The following ATAD2 variants were observed in gnomAD, a reference collection of about 807,000 sequenced individuals.
The protein encoded by ATAD2 is ATPase family AAA domain-containing protein 2.
A neutral mutation model predicts 168.9 loss-of-function variants in ATAD2; 62 were observed. The observed-to-expected ratio is 0.37, with a 90% CI of 0.30 to 0.45. ATAD2 has a LOEUF of 0.45. Among genes scored for constraint, ATAD2 ranks in the 20% least tolerant of loss-of-function variants. The probability of loss-of-function intolerance (pLI) is 1.00; values close to 1 mark genes in which losing one functional copy is unlikely to be tolerated. For missense variants in ATAD2, 1,419 were observed against 1,667.8 expected (o/e 0.85, Z 2.60); for synonymous variants, 613 against 571.6 (o/e 1.07, Z -1.03).
intron 1 of ATAD2, among the ~76,000 whole-genome samples, chr8:123,393,301 A>G (rs1812680498): frequency 6.6e-6 from 1 of 152,064 alleles, no homozygotes; most frequent in South Asian, 2.1e-4. Context: ...GCTTGAGTCC[A>G]GGAGTTCGAG....
rs747032192 is a variant in ATAD2, at chr8:123,326,002, C to T, written c.3893G>A (p.Arg1298Gln). The T allele has an allele frequency of 4.3e-6, 7 of 1,613,806 alleles. No homozygotes were observed. The highest frequency in any genetic ancestry group is 5.9e-6 in the Non-Finnish European group (7 of 1,179,924). ...CTGTTCTACCTGGGAACGTCTAGCT[C>T]GAGTCATTCGCAGAACACACATTTC... ...GKEMCVLRMT[R>Q]ARRSQVEQQQ... Residue 1298 changes from arginine to glutamine, a missense_variant, in exon 26 of 28, where the codon CGA (arginine) becomes CAA (glutamine). Around this residue, in one of 5 missense-constraint regions of ATAD2, gnomAD observed 303 missense variants for 304.3 expected, o/e 1.00. Coordinates refer to ENST00000287394, the MANE Select transcript of ATAD2 (RefSeq NM_014109.4).
chr8:123,334,352 A>G, intron 22 of ATAD2, 30 bp from the exon 23 acceptor site: 1 of 1,473,494 alleles, frequency 6.8e-7, no homozygotes, highest in Non-Finnish European at 9.0e-7. Context: ...TGTAATTTTT[A>G]ATTTCCCCCT....
At chr8:123,356,347 G>A (rs1427851734) in intron 13 of ATAD2, 42 bp downstream of exon 13, 1 of 1,502,350 alleles carries the variant, frequency 6.7e-7, no homozygotes, top group Non-Finnish European at 9.2e-7. Context: ...TACCACTCAG[G>A]AAATAGGAAG....
At chr8:123,372,398 G>A (rs1233444341) in intron 3 of ATAD2, among the ~76,000 whole-genome samples, 1 of 152,196 alleles carries the variant, frequency 6.6e-6, no homozygotes, top group Non-Finnish European at 1.5e-5. Flanking sequence ...GTGTCAAAGA[G>A]TGAGGAGAGA....
intron 1 of ATAD2, among the ~76,000 whole-genome samples, chr8:123,415,600 AT>A (rs11306561): frequency 0.68 from 102,680 of 149,924 alleles, 35,317 homozygotes; most frequent in East Asian, 0.93. Context: ...GATAAACACT[AT>A]TTTTTTTTTT....
chr8:123,339,471 A>G (rs752080828), intron 19 of ATAD2, 25 bp from the exon 20 acceptor site: 3 of 1,529,416 alleles, frequency 2.0e-6, no homozygotes, highest in East Asian at 2.3e-5. Flanking sequence ...TAAATGCAAT[A>G]TATATCATAT....
intron 19 of ATAD2, among the ~76,000 whole-genome samples, chr8:123,342,016 G>A (rs186024466): frequency 2.4e-4 from 37 of 152,276 alleles, no homozygotes; most frequent in Admixed American, 4.6e-4. Flanking sequence ...AACCCAGGAG[G>A]CTGAGGCTGC....
intron 24 of ATAD2, among the ~76,000 whole-genome samples, chr8:123,331,618 T>G (rs969065132): frequency 6.6e-6 from 1 of 152,226 alleles, no homozygotes; most frequent in African/African-American, 2.4e-5. Flanking sequence ...GCTGCAGACC[T>G]CAATCTATGT....
chr8:123,358,635 C>T (rs374579654), intron 11 of ATAD2, among the ~76,000 whole-genome samples: 11 of 149,552 alleles, frequency 7.4e-5, no homozygotes, highest in East Asian at 2.0e-4. Context: ...CATAAGCCAT[C>T]GTGCCTGGCC....
chr8:123,380,342 C>T (rs529831668), intron 2 of ATAD2, among the ~76,000 whole-genome samples, 187 bp downstream of exon 2: 49 of 152,164 alleles, frequency 3.2e-4, no homozygotes, highest in Non-Finnish European at 6.6e-4. Flanking sequence ...TGTGAGCCAC[C>T]GTGCCTGGCC....
intron 21 of ATAD2, among the ~76,000 whole-genome samples, 179 bp from the exon 22 acceptor site, chr8:123,336,711 T>C (rs1414631686): frequency 6.6e-6 from 1 of 151,968 alleles, no homozygotes; most frequent in Non-Finnish European, 1.5e-5. Context: ...TTTGTTTCTA[T>C]TCCTTGGGCA....
intron 23 of ATAD2, 21 bp from the exon 24 acceptor site, chr8:123,334,042 A>G (rs771779663): frequency 1.9e-6 from 3 of 1,595,836 alleles, no homozygotes; most frequent in Non-Finnish European, 2.6e-6. Flanking sequence ...GATATGTGGG[A>G]TGTCAAAAGG....
At chr8:123,393,085 T>C (rs906093781) in intron 1 of ATAD2, among the ~76,000 whole-genome samples, 1 of 150,186 alleles carries the variant, frequency 6.7e-6, no homozygotes, top group Admixed American at 6.7e-5. Context: ...TCCGGGAGGC[T>C]GAAGCAGGAG....
intron 18 of ATAD2, among the ~76,000 whole-genome samples, chr8:123,345,360 T>C (rs113173800): frequency 3.8e-4 from 58 of 152,296 alleles, no homozygotes; most frequent in African/African-American, 1.4e-3. Context: ...AATATTTTTA[T>C]GTTTTAAAAA....
At chr8:123,345,587 CAGG>C (rs201846199) in intron 18 of ATAD2, among the ~76,000 whole-genome samples, 4,220 of 151,690 alleles carry the variant, frequency 0.028, 169 homozygotes, top group African/African-American at 0.096. Flanking sequence ...GAGGCTAAGG[CAGG>C]AGAATTGCTT....
At chr8:123,337,523 C>A in intron 21 of ATAD2, 102 bp downstream of exon 21, 1 of 1,090,910 alleles carries the variant, frequency 9.2e-7, no homozygotes, top group Non-Finnish European at 1.3e-6. Context: ...ATAGATAAAA[C>A]TAGTTAAGAG....
intron 1 of ATAD2, among the ~76,000 whole-genome samples, chr8:123,387,876 G>A (rs1174168866): frequency 6.6e-6 from 1 of 152,142 alleles, no homozygotes; most frequent in Non-Finnish European, 1.5e-5. Context: ...GTTTGGGGGG[G>A]AGGTCAGTTG....
intron 13 of ATAD2, among the ~76,000 whole-genome samples, chr8:123,355,664 A>G (rs1370039889): frequency 6.6e-6 from 1 of 152,208 alleles, no homozygotes; most frequent in African/African-American, 2.4e-5. Flanking sequence ...ATACTTGACA[A>G]TTTGAACATA....
intron 1 of ATAD2, among the ~76,000 whole-genome samples, chr8:123,385,600 G>A (rs900050527): frequency 6.6e-6 from 1 of 152,070 alleles, no homozygotes; most frequent in African/African-American, 2.4e-5. Context: ...ATTTGGCAAT[G>A]ATTTCTTGGA....
Sources: allele counts gnomAD v4.1 joint callset (sites outside exome capture counted in the v4.1 genomes callset), GRCh38; gene constraint gnomAD v4.1.1; regional missense constraint gnomAD v4.1.1; transcripts MANE v1.5; gene names NCBI Gene and HGNC (gene_info 2026-07-23, HGNC 2026-07-21).